MAPK8: variants seen among roughly 807,000 people sequenced by gnomAD.
The protein encoded by MAPK8 is JUN N-terminal kinase.
A neutral mutation model predicts 52.9 loss-of-function variants in MAPK8; 13 were observed. The ratio of observed to expected loss-of-function variants is 0.25; its 90% CI spans 0.16 to 0.39. The LOEUF (loss-of-function observed/expected upper bound fraction) is 0.39. MAPK8 is among the 10% of genes least tolerant of loss of function. MAPK8 has a pLI of 1.00. For missense variants in MAPK8, 300 were observed against 519.2 expected (o/e 0.58, Z 4.10); for synonymous variants, 191 against 169.8 (o/e 1.12, Z -0.97).
chr10:48,341,113 TA>T lies in MAPK8; in HGVS notation c.-50+34293del, dbSNP rs1343307269. ...ACTCTACCATGTTAGAAGCAGAAGT[TA>T]TATTAATTTTTATTTTTAGAGTTGC... On this transcript the variant is annotated intron_variant, in intron 1 of 11. Transcript: ENST00000374189. Among the ~76,000 whole-genome samples, 5 of 152,394 alleles carry T rather than the reference TA, an allele frequency of 3.3e-5. No homozygotes were observed. The East Asian group carries it at 9.6e-4, about 29-fold the overall frequency.
chr10:48,350,703 G>A (rs1846231646), intron 1 of MAPK8, among the ~76,000 whole-genome samples: 1 of 152,140 alleles, frequency 6.6e-6, no homozygotes, highest in African/African-American at 2.4e-5. Context: ...TTGAAAACCA[G>A]CACAAGGCAA....
At chr10:48,315,573 A>T (rs1379007138) in intron 1 of MAPK8, among the ~76,000 whole-genome samples, 25 of 146,044 alleles carry the variant, frequency 1.7e-4, no homozygotes, top group African/African-American at 7.5e-5. Flanking sequence ...AAACATTAAA[A>T]TTTTTTTTTG....
intron 1 of MAPK8, among the ~76,000 whole-genome samples, chr10:48,377,234 A>G (rs192521446): frequency 3.8e-4 from 58 of 152,274 alleles, no homozygotes; most frequent in Non-Finnish European, 6.8e-4. Context: ...GGGGAGGGAT[A>G]GCATTAGGAG....
chr10:48,328,947 T>C (rs1843814915), intron 1 of MAPK8, among the ~76,000 whole-genome samples: 1 of 149,982 alleles, frequency 6.7e-6, no homozygotes, highest in Non-Finnish European at 1.5e-5. Context: ...ATCTCTACAG[T>C]TGTTTCATTA....
chr10:48,344,310 CT>C (rs1181080778), intron 1 of MAPK8, among the ~76,000 whole-genome samples: 1 of 152,174 alleles, frequency 6.6e-6, no homozygotes, highest in Non-Finnish European at 1.5e-5. Flanking sequence ...TTGTCAGCTA[CT>C]TTTGTTTTTA....
At chr10:48,317,954 A>T (rs1337266451) in intron 1 of MAPK8, among the ~76,000 whole-genome samples, 1 of 70,456 alleles carries the variant, frequency 1.4e-5, no homozygotes, top group Non-Finnish European at 2.8e-5. Context: ...CCACCCCCCC[A>T]GCATTATTTA....
chr10:48,434,147 T>A (rs527283831), intron 11 of MAPK8, among the ~76,000 whole-genome samples: 1 of 152,196 alleles, frequency 6.6e-6, no homozygotes, highest in Non-Finnish European at 1.5e-5. Context: ...GCTTGTTAGG[T>A]AATACTTTCG....
intron 1 of MAPK8, among the ~76,000 whole-genome samples, chr10:48,320,452 G>A (rs1215294217): frequency 6.6e-6 from 1 of 151,706 alleles, no homozygotes; most frequent in Non-Finnish European, 1.5e-5. Flanking sequence ...TCCCAGGCTG[G>A]TCTTGAACTC....
intron 10 of MAPK8, chr10:48,429,823 A>G (rs894206454): frequency 1.3e-5 from 2 of 152,182 alleles, no homozygotes; most frequent in Non-Finnish European, 2.9e-5. Flanking sequence ...ATACTCTGTA[A>G]TCAGGGATTC....
At chr10:48,349,209 A>C (rs1045638480) in intron 1 of MAPK8, among the ~76,000 whole-genome samples, 1 of 152,176 alleles carries the variant, frequency 6.6e-6, no homozygotes, top group Non-Finnish European at 1.5e-5. Context: ...TCAATATCAG[A>C]CAGATCGAGA....
At chr10:48,356,394 A>G (rs995351663) in intron 1 of MAPK8, among the ~76,000 whole-genome samples, 2 of 152,206 alleles carry the variant, frequency 1.3e-5, no homozygotes, top group African/African-American at 4.8e-5. Flanking sequence ...AAGGGAAAAT[A>G]TGAAATCCAA....
chr10:48,307,682 C>T (rs895101602), intron 1 of MAPK8, among the ~76,000 whole-genome samples: 1 of 152,194 alleles, frequency 6.6e-6, no homozygotes, highest in Non-Finnish European at 1.5e-5. Flanking sequence ...TGGCATTGTC[C>T]AGTGATTACT....
chr10:48,399,889 C>T (rs2042071117), intron 1 of MAPK8, among the ~76,000 whole-genome samples: 1 of 152,192 alleles, frequency 6.6e-6, no homozygotes, highest in Non-Finnish European at 1.5e-5. Context: ...CAACTTTGTG[C>T]TCAGCCTCTG....
At chr10:48,347,439 G>A (rs999125180) in intron 1 of MAPK8, among the ~76,000 whole-genome samples, 4 of 152,152 alleles carry the variant, frequency 2.6e-5, no homozygotes, top group African/African-American at 9.7e-5. Flanking sequence ...GGATACATGT[G>A]CAGAATGTGC....
chr10:48,350,614 T>C (rs566848728), intron 1 of MAPK8, among the ~76,000 whole-genome samples: 4 of 152,308 alleles, frequency 2.6e-5, no homozygotes, highest in South Asian at 4.1e-4. Flanking sequence ...ATGGAACTTA[T>C]CTCAAAATAG....
At chr10:48,410,519 A>G (rs2042692956) in intron 5 of MAPK8, among the ~76,000 whole-genome samples, 1 of 152,128 alleles carries the variant, frequency 6.6e-6, no homozygotes. Context: ...TATATACCAT[A>G]TTTCGTTCAT....
rs1238639032 is a variant in MAPK8, at chr10:48,436,300, G to A, written c.*1271G>A. ...CCTGATTTTCAACATAACACGCAAT[G>A]TGGATGTCGAGTAGTGTTAAGAATG... is the stretch of plus-strand genomic sequence containing the variant. On this transcript the variant is annotated 3_prime_UTR_variant, in exon 12 of 12. Transcript: ENST00000374189. 6.6e-6 allele frequency: 1 copy of A among 152,204 alleles called. No homozygotes were observed. The highest frequency in any genetic ancestry group is 1.5e-5 in the Non-Finnish European group (1 of 68,018). The allele number at this position is 152,204 out of a possible 1,614,324, so 9.4% of individuals were successfully genotyped here.
Position 48,358,096 on chromosome 10 carries a change from G to C in MAPK8, c.-49-43516G>C, listed in dbSNP as rs1847155624. The stretch of plus-strand genomic sequence containing the variant: ...AACCTTTGGATGTTGCTACCTTTTG[G>C]CTGTTGTGAATAGTGCTGCTATGAA... On this transcript the variant is annotated intron_variant, in intron 1 of 11. Coordinates refer to ENST00000374189, the MANE Select transcript of MAPK8 (RefSeq NM_001323329.2). Among the ~76,000 whole-genome samples the C allele has an allele frequency of 2.0e-5, 3 of 152,102 alleles. No homozygotes were observed. In the South Asian group the frequency reaches 6.2e-4, roughly 31 times the overall value.
chr10:48,408,816 CAAGTT>C (rs2042598271), intron 3 of MAPK8, among the ~76,000 whole-genome samples: 1 of 152,142 alleles, frequency 6.6e-6, no homozygotes, highest in African/African-American at 2.4e-5. Context: ...AGTTCAAGAT[CAAGTT>C]GCTGGTCAAT....
Sources: allele counts gnomAD v4.1 joint callset (sites outside exome capture counted in the v4.1 genomes callset), GRCh38; gene constraint gnomAD v4.1.1; transcripts MANE v1.5; gene names NCBI Gene and HGNC (gene_info 2026-07-23, HGNC 2026-07-21).